The following PBX3 variants were observed in gnomAD, a reference collection of about 807,000 sequenced individuals.
The protein encoded by PBX3 is pre-B-cell leukemia transcription factor 3.
In PBX3, 14 loss-of-function variants were observed where a neutral mutation model predicts 48.5. The ratio of observed to expected loss-of-function variants is 0.29; its 90% CI spans 0.19 to 0.45. PBX3 has a LOEUF of 0.45. Among genes scored for constraint, PBX3 ranks in the 20% least tolerant of loss-of-function variants. The pLI, the probability that PBX3 is intolerant of heterozygous loss-of-function variation, is 1.00. For synonymous variants in PBX3, 210 were observed against 200.3 expected (o/e 1.05, Z -0.41); for missense variants, 386 against 546.7 (o/e 0.71, Z 2.93).
At chr9:125,858,226 G>A (rs911822420) in intron 2 of PBX3, among the ~76,000 whole-genome samples, 11 of 152,128 alleles carry the variant, frequency 7.2e-5, no homozygotes, top group African/African-American at 1.9e-4. Context: ...TTATCTGAGC[G>A]TAGTGTTGCA....
intron 5 of PBX3, among the ~76,000 whole-genome samples, chr9:125,953,791 A>G (rs1842244153): frequency 1.3e-5 from 2 of 152,232 alleles, no homozygotes; most frequent in Middle Eastern, 3.4e-3. Flanking sequence ...CATACCCAGT[A>G]TGAGGGGTTC....
In PBX3 at chr9:125,747,375, C is replaced by T. The variant is rs1420820148; in HGVS notation, c.-79C>T. The T allele has an allele frequency of 1.8e-5, 8 of 447,254 alleles. No homozygotes were observed. Among genetic ancestry groups the T allele is most frequent in the African/African-American group, 4.7e-5 (2 of 42,254 alleles). The allele number at this position is 447,254 out of a possible 1,614,324, so 27.7% of individuals were successfully genotyped here. ...CCCTCCCCCTCCCCCTCTTTCTTCT[C>T]CTCCCTCGTCGCCGCCGCCGCCGCC... is the stretch of plus-strand genomic sequence containing the variant. On this transcript the variant is annotated 5_prime_UTR_variant, in exon 1 of 9. Coordinates refer to ENST00000373489, the MANE Select transcript of PBX3 (RefSeq NM_006195.6).
Position 125,924,064 on chromosome 9 carries a change from C to A in PBX3, c.517-5591C>A, listed in dbSNP as rs1022901822. Among the ~76,000 whole-genome samples, 16 of 147,526 alleles carry A rather than the reference C, an allele frequency of 1.1e-4. No homozygotes were observed. In the East Asian group the frequency reaches 3.3e-3, roughly 30 times the overall value. ...AATTTGTTTATTATAGAGATGAGAT[C>A]TTGCTGTGTTGCCCAGGCTGGTCTT... is the stretch of plus-strand genomic sequence containing the variant. On this transcript the variant is annotated intron_variant, in intron 3 of 8. Transcript: ENST00000373489.
At chr9:125,786,608 C>A (rs1837463400) in intron 2 of PBX3, among the ~76,000 whole-genome samples, 1 of 152,012 alleles carries the variant, frequency 6.6e-6, no homozygotes, top group Non-Finnish European at 1.5e-5. Flanking sequence ...GGAGCAGAGT[C>A]TTAGAGGAGA....
In PBX3 at chr9:125,787,434, A is replaced by T. The variant is rs564052872; in HGVS notation, c.274+38811A>T. ...AGTTACTCCAGATAATGAAAGAGTG[A>T]GCTGGCCAAGGATAAGAAAAGTATT... On this transcript the variant is annotated intron_variant, in intron 2 of 8. Transcript: ENST00000373489. Among the ~76,000 whole-genome samples, 9 of 152,220 alleles carry T rather than the reference A, an allele frequency of 5.9e-5. No individual in the cohort carries two copies. The East Asian group carries it at 1.7e-3, about 29-fold the overall frequency.
chr9:125,939,054 T>A (rs539835765), intron 5 of PBX3, among the ~76,000 whole-genome samples: 170 of 151,470 alleles, frequency 1.1e-3, no homozygotes, highest in South Asian at 3.3e-3. Context: ...ATAAAACAAA[T>A]GGGGAAAAAT....
intron 2 of PBX3, among the ~76,000 whole-genome samples, chr9:125,792,340 T>C (rs1320391535): frequency 6.6e-6 from 1 of 152,116 alleles, no homozygotes; most frequent in African/African-American, 2.4e-5. Context: ...GTAATAACTT[T>C]TGTAGGTGCT....
chr9:125,953,727 A>G (rs1366302248), intron 5 of PBX3, among the ~76,000 whole-genome samples: 1 of 152,168 alleles, frequency 6.6e-6, no homozygotes, highest in African/African-American at 2.4e-5. Context: ...ACTGTGACAC[A>G]TGGAAGTTGT....
chr9:125,877,877 AT>A (rs1340683228), intron 2 of PBX3, among the ~76,000 whole-genome samples: 48 of 152,192 alleles, frequency 3.2e-4, no homozygotes, highest in Admixed American at 2.9e-3. Flanking sequence ...AGATATGAGA[AT>A]TACTCTTAAT....
At chr9:125,787,547 C>T (rs1376341164) in intron 2 of PBX3, among the ~76,000 whole-genome samples, 1 of 152,080 alleles carries the variant, frequency 6.6e-6, no homozygotes. Context: ...AGGTTAACAT[C>T]GACTACAACT....
At chr9:125,888,708 C>T (rs1184441089) in intron 2 of PBX3, among the ~76,000 whole-genome samples, 1 of 152,064 alleles carries the variant, frequency 6.6e-6, no homozygotes, top group African/African-American at 2.4e-5. Flanking sequence ...TTATAATGCC[C>T]TGTTTCAGTC....
intron 2 of PBX3, among the ~76,000 whole-genome samples, chr9:125,894,802 T>C (rs1171991751): frequency 1.3e-5 from 2 of 152,112 alleles, no homozygotes; most frequent in Non-Finnish European, 2.9e-5. Context: ...TCTGTTTTTA[T>C]TGAGGAAAGG....
Position 125,876,788 on chromosome 9 carries a change from G to GTCTT in PBX3, c.275-38884_275-38881dup, listed in dbSNP as rs1399264220. Among the ~76,000 whole-genome samples, 5 of 149,134 alleles carry GTCTT rather than the reference G, an allele frequency of 3.4e-5. No individual in the cohort carries two copies. In the South Asian group the frequency reaches 6.3e-4, roughly 19 times the overall value. ...GTTATCTTACTTTTTATATGTGTATGTCTTTCTTTCTTTCTTTTTTTTTTT... is the reference window on the plus strand; with the variant it reads ...GTTATCTTACTTTTTATATGTGTATGTCTTTCTTTCTTTCTTTCTTTTTTTTTTT... On this transcript the variant is annotated intron_variant, in intron 2 of 8. Transcript: ENST00000373489.
At chr9:125,934,046 C>T (rs1422248215) in intron 4 of PBX3, among the ~76,000 whole-genome samples, 3 of 152,106 alleles carry the variant, frequency 2.0e-5, no homozygotes, top group African/African-American at 7.2e-5. Context: ...ACCACCTCCC[C>T]ATCCAGTTCA....
At chr9:125,768,108 A>C (rs539742372) in intron 2 of PBX3, among the ~76,000 whole-genome samples, 2 of 150,140 alleles carry the variant, frequency 1.3e-5, no homozygotes, top group East Asian at 3.9e-4. Context: ...TATGACCTAG[A>C]TGATATAAGG....
chr9:125,751,901 T>G (rs1588114832), intron 2 of PBX3, among the ~76,000 whole-genome samples: 1 of 152,000 alleles, frequency 6.6e-6, no homozygotes, highest in Admixed American at 6.6e-5. Flanking sequence ...TTGTGAAATA[T>G]TTCATCCTGA....
intron 2 of PBX3, among the ~76,000 whole-genome samples, chr9:125,802,450 C>T (rs1237990091): frequency 1.3e-5 from 2 of 148,384 alleles, no homozygotes; most frequent in Non-Finnish European, 1.5e-5. Context: ...TCACTGCAGC[C>T]TCCACCTCCC....
chr9:125,937,003 G>A (rs904378540), intron 5 of PBX3, among the ~76,000 whole-genome samples: 2 of 152,122 alleles, frequency 1.3e-5, no homozygotes, highest in South Asian at 2.1e-4. Flanking sequence ...GGTTCATGCC[G>A]AACACCGGAT....
At chr9:125,823,008 TTA>T (rs1838699958) in intron 2 of PBX3, among the ~76,000 whole-genome samples, 1 of 152,100 alleles carries the variant, frequency 6.6e-6, no homozygotes, top group South Asian at 2.1e-4. Context: ...GATGTGAGTT[TTA>T]CTTTGTCAGA....
Sources: allele counts gnomAD v4.1 joint callset (sites outside exome capture counted in the v4.1 genomes callset), GRCh38; gene constraint gnomAD v4.1.1; transcripts MANE v1.5; gene names NCBI Gene and HGNC (gene_info 2026-07-23, HGNC 2026-07-21).